DPEP1: variants seen among roughly 807,000 people sequenced by gnomAD.
DPEP1 encodes beta-lactamase.
In DPEP1, 50 loss-of-function variants were observed where a neutral mutation model predicts 42.3. That is an observed-to-expected ratio of 1.18 (90% CI 0.94 to 1.50). The LOEUF (loss-of-function observed/expected upper bound fraction) is 1.50, where lower values mean the gene tolerates loss of function less well. Ranked by LOEUF, DPEP1 falls within the 40% of genes most tolerant of loss-of-function variation. The pLI is 0.00. For missense variants in DPEP1, 663 were observed against 553.0 expected (o/e 1.20, Z -1.99); for synonymous variants, 297 against 234.0 (o/e 1.27, Z -2.46).
At chr16:89,629,508 C>G (rs1302476544) in intron 1 of DPEP1, among the ~76,000 whole-genome samples, 1 of 99,550 alleles carries the variant, frequency 1.0e-5, no homozygotes, top group Non-Finnish European at 2.1e-5. Flanking sequence ...GGGCTCCCCC[C>G]ACCCCCCCCC....
rs1597756729 is a variant in DPEP1, at chr16:89,628,837, G to A, written c.-106-1468G>A. On this transcript the variant is annotated intron_variant, in intron 1 of 10. Transcript: ENST00000690203. The stretch of plus-strand genomic sequence containing the variant: ...GGGGCGGTTTGTGTTTTGTTTGTTT[G>A]TTTTTCTGAGATGGAGTCTTGATCT... Among the ~76,000 whole-genome samples, 2 of 151,682 alleles carry A rather than the reference G, an allele frequency of 1.3e-5. 1 individual carries two copies. Among genetic ancestry groups the A allele is most frequent in the Middle Eastern group, 6.8e-3 (2 of 294 alleles).
Position 89,623,832 on chromosome 16 carries a change from G to T in DPEP1, c.-106-6473G>T, listed in dbSNP as rs544859836. On this transcript the variant is annotated intron_variant, in intron 1 of 10. Transcript: ENST00000690203. ...AAAGGAGGGGAAGAAGAGGGATACG[G>T]GCGACTGGAAATTCCCTGGACCGGA... Among the ~76,000 whole-genome samples the T allele has an allele frequency of 5.3e-5, 8 of 152,274 alleles. No homozygotes were observed. In the East Asian group the frequency reaches 1.5e-3, roughly 29 times the overall value.
intron 1 of DPEP1, among the ~76,000 whole-genome samples, chr16:89,617,692 T>G (rs866970201): frequency 0.1 from 75 of 736 alleles, 6 homozygotes; most frequent in South Asian, 0.14. Flanking sequence ...TCCCAGCACT[T>G]TGGGAGGTTG....
chr16:89,620,298 G>A (rs1266380948), intron 1 of DPEP1, among the ~76,000 whole-genome samples: 4 of 152,074 alleles, frequency 2.6e-5, no homozygotes, highest in East Asian at 1.9e-4. Context: ...GGGGACACAC[G>A]ACCTGGGACC....
At chr16:89,637,172 CTGTGAGGG>C (rs1567992952) in intron 6 of DPEP1, 24 bp from the exon 7 acceptor site, 15 of 1,603,098 alleles carry the variant, frequency 9.4e-6, no homozygotes, top group Non-Finnish European at 1.0e-5. Context: ...ACCCTGGGGG[CTGTGAGGG>C]TGGACGGAGC....
chr16:89,614,815 C>A (rs995945322), intron 1 of DPEP1, among the ~76,000 whole-genome samples: 3 of 152,042 alleles, frequency 2.0e-5, no homozygotes, highest in Non-Finnish European at 2.9e-5. Flanking sequence ...AAAGAAAAAT[C>A]TTCTCCCCGG....
intron 1 of DPEP1, among the ~76,000 whole-genome samples, chr16:89,628,115 G>A (rs1385625728): frequency 6.6e-6 from 1 of 151,960 alleles, no homozygotes; most frequent in Non-Finnish European, 1.5e-5. Flanking sequence ...GTAGAGACGG[G>A]GTTTCACCAT....
Position 89,634,107 on chromosome 16 carries a change from T to TTTTTTTTC in DPEP1, c.105-1801_105-1800insTTTTTTTC, listed in dbSNP as rs60586743. On this transcript the variant is annotated intron_variant, in intron 2 of 10. Transcript: ENST00000690203. ...TCTCTTCTTCTTTTTTTTTTTTTTT[T>TTTTTTTTC]GGAGGGAGTCTCGCTCTGTCGCCCA... is the stretch of plus-strand genomic sequence containing the variant. Among the ~76,000 whole-genome samples the TTTTTTTTC allele has an allele frequency of 1.3e-4, 19 of 149,578 alleles. No individual in the cohort carries two copies. In the East Asian group the frequency reaches 2.0e-3, roughly 15 times the overall value.
rs1389160116 is a variant in DPEP1 at position 89,638,227 on chromosome 16, T to C, written c.*5T>C. On this transcript the variant is annotated 3_prime_UTR_variant, in exon 11 of 11. Transcript: ENST00000690203. Reference sequence around the variant, plus strand: ...CTCTGTCTGTCTCTCCTGTGAAACCTGGGAGACCAGAGTCCCCTTTAGGGT... The same window carrying C: ...CTCTGTCTGTCTCTCCTGTGAAACCCGGGAGACCAGAGTCCCCTTTAGGGT... 1.9e-6 allele frequency: 3 copies of C among 1,544,688 alleles called. No individual in the cohort carries two copies. The highest frequency in any genetic ancestry group is 2.6e-6 in the Non-Finnish European group (3 of 1,145,496).
At chr16:89,640,061 AC>A (rs986817832), downstream of DPEP1, among the ~76,000 whole-genome samples, 60 of 152,236 alleles carry the variant, frequency 3.9e-4, no homozygotes, top group African/African-American at 1.4e-3. Context: ...AACCAGGCCG[AC>A]CACAGGGACA....
At chr16:89,616,809 AAAGCGGCCAGG>A (rs1301520708) in intron 1 of DPEP1, 15 of 257,024 alleles carry the variant, frequency 5.8e-5, no homozygotes, top group Admixed American at 1.1e-4. Flanking sequence ...AAGCAGGCAG[AAAGCGGCCAGG>A]AAGTGGCCAG....
At chr16:89,624,902 G>A (rs11641525) in intron 1 of DPEP1, among the ~76,000 whole-genome samples, 4,376 of 152,228 alleles carry the variant, frequency 0.029, 93 homozygotes, top group Non-Finnish European at 0.046. Flanking sequence ...GATTTGGTCC[G>A]TGGCTAATCA....
At chr16:89,641,310 T>A (rs2059741230), downstream of DPEP1, among the ~76,000 whole-genome samples, 1 of 152,108 alleles carries the variant, frequency 6.6e-6, no homozygotes, top group Admixed American at 6.6e-5. Flanking sequence ...GAGATTCCCT[T>A]TCCGGCTCTG....
At chr16:89,625,814 A>G (rs1487040329) in intron 1 of DPEP1, among the ~76,000 whole-genome samples, 1 of 152,220 alleles carries the variant, frequency 6.6e-6, no homozygotes, top group Non-Finnish European at 1.5e-5. Context: ...AAGTAGGTAC[A>G]TCCATGACTT....
chr16:89,621,958 G>C (rs2059451948), intron 1 of DPEP1, among the ~76,000 whole-genome samples: 1 of 152,182 alleles, frequency 6.6e-6, no homozygotes, highest in African/African-American at 2.4e-5. Context: ...CTGCATGTTG[G>C]CTGTGGATGG....
In DPEP1 at chr16:89,636,647, G is replaced by C. The variant is rs770877588; in HGVS notation, c.485G>C (p.Arg162Pro). Residue 162 changes from arginine (R) to proline (P), a missense_variant, in exon 5 of 11, where the codon CGG becomes CCG. Transcript: ENST00000690203. ...CGGGCACTCTATCAGCTGGGCATGCGGTACCTGACCCTCACCCACAGCTGC... is the reference window on the plus strand; with the variant it reads ...CGGGCACTCTATCAGCTGGGCATGCCGTACCTGACCCTCACCCACAGCTGC... ...VLRALYQLGM[R>P]YLTLTHSCNT... 2.5e-6 allele frequency: 4 copies of C among 1,612,540 alleles called. No individual in the cohort carries two copies. The highest frequency in any genetic ancestry group is 3.4e-6 in the Non-Finnish European group (4 of 1,179,954).
At chr16:89,618,032 TAAAAAA>T (rs995061632) in intron 1 of DPEP1, among the ~76,000 whole-genome samples, 2 of 151,838 alleles carry the variant, frequency 1.3e-5, no homozygotes, top group East Asian at 3.8e-4. Flanking sequence ...TCAAAAAATA[TAAAAAA>T]ATAAAAATAA....
chr16:89,624,596 G>A (rs910574694), intron 1 of DPEP1, among the ~76,000 whole-genome samples: 11 of 151,776 alleles, frequency 7.2e-5, no homozygotes, highest in East Asian at 1.9e-4. Context: ...GTGCAGTGGC[G>A]CCATCTCGGC....
chr16:89,629,250 C>T (rs189653501), intron 1 of DPEP1, among the ~76,000 whole-genome samples: 6 of 152,222 alleles, frequency 3.9e-5, no homozygotes, highest in East Asian at 1.9e-4. Context: ...CTGTAATCCC[C>T]GCAGTTTGAG....
Sources: allele counts gnomAD v4.1 joint callset (sites outside exome capture counted in the v4.1 genomes callset), GRCh38; gene constraint gnomAD v4.1.1; transcripts MANE v1.5; gene names NCBI Gene and HGNC (gene_info 2026-07-23, HGNC 2026-07-21).